Variants in COLEC10 observed in about 807,000 individuals in gnomAD.
COLEC10 encodes collectin subfamily member 10.
Under a neutral mutation model 28.4 loss-of-function variants are expected in COLEC10, and 22 were observed. The ratio of observed to expected loss-of-function variants is 0.78; its 90% CI spans 0.55 to 1.11. COLEC10 has a LOEUF of 1.11. COLEC10 is among the 50% of genes least tolerant of loss of function. The pLI is 0.00. For missense variants in COLEC10, 361 were observed against 344.1 expected (o/e 1.05, Z -0.39); for synonymous variants, 125 against 116.1 (o/e 1.08, Z -0.49).
chr8:119,070,573 C>T (rs557621042), intron 1 of COLEC10, among the ~76,000 whole-genome samples: 264 of 58,848 alleles, frequency 4.5e-3, no homozygotes, highest in African/African-American at 0.024. Flanking sequence ...TCTCTCCCCC[C>T]ACCCCTTCTC....
At chr8:119,003,639 G>A (rs1813739004) in intron 1 of COLEC10, among the ~76,000 whole-genome samples, 1 of 151,990 alleles carries the variant, frequency 6.6e-6, no homozygotes, top group Non-Finnish European at 1.5e-5. Flanking sequence ...AAGGATGCTT[G>A]GAAAGCAGAG....
the COLEC10 span, among the ~76,000 whole-genome samples, chr8:118,984,966 C>T: frequency 5.7e-4 from 86 of 152,160 alleles, no homozygotes; most frequent in Non-Finnish European, 1.0e-3. Context: ...CATTCACTAT[C>T]ACGAGAACAG....
chr8:119,028,623 C>G (rs952370008), intron 2 of COLEC10, among the ~76,000 whole-genome samples: 1 of 152,044 alleles, frequency 6.6e-6, no homozygotes, highest in Non-Finnish European at 1.5e-5. Flanking sequence ...GTCCCTCCCA[C>G]AACATATGGG....
At chr8:119,002,672 A>G (rs1813723352) in intron 1 of COLEC10, among the ~76,000 whole-genome samples, 1 of 152,148 alleles carries the variant, frequency 6.6e-6, no homozygotes, top group Non-Finnish European at 1.5e-5. Flanking sequence ...CCTTCTAGCC[A>G]CTACAAGTTC....
At chr8:118,967,705 T>C in the COLEC10 span, among the ~76,000 whole-genome samples, 1 of 152,148 alleles carries the variant, frequency 6.6e-6, no homozygotes, top group African/African-American at 2.4e-5. Flanking sequence ...TAAATAATTG[T>C]AAACAAAGAA....
chr8:118,969,136 A>G, the COLEC10 span, among the ~76,000 whole-genome samples: 1 of 151,956 alleles, frequency 6.6e-6, no homozygotes, highest in African/African-American at 2.4e-5. Flanking sequence ...ATGGAAGTAG[A>G]GTTTGGAGAT....
chr8:118,971,052 C>A, the COLEC10 span, among the ~76,000 whole-genome samples: 1 of 151,936 alleles, frequency 6.6e-6, no homozygotes, highest in Non-Finnish European at 1.5e-5. Context: ...TTAAGGTCAA[C>A]CCCTAGGTAT....
the COLEC10 span, among the ~76,000 whole-genome samples, chr8:118,989,341 A>G: frequency 2.0e-5 from 3 of 152,262 alleles, no homozygotes; most frequent in African/African-American, 7.2e-5. Context: ...AACAGATGAG[A>G]AAATCCAAAC....
chr8:119,083,199 A>T (rs1202678101), intron 1 of COLEC10, among the ~76,000 whole-genome samples: 2 of 152,198 alleles, frequency 1.3e-5, no homozygotes, highest in African/African-American at 4.8e-5. Flanking sequence ...GTGTTCTGGG[A>T]TGAGTCTTCA....
chr8:119,027,242 T>C (rs2130119801), intron 2 of COLEC10, among the ~76,000 whole-genome samples: 1 of 152,250 alleles, frequency 6.6e-6, no homozygotes, highest in Non-Finnish European at 1.5e-5. Flanking sequence ...TGGAGATAAA[T>C]TCAACAGATT....
the COLEC10 span, among the ~76,000 whole-genome samples, chr8:118,980,891 G>A: frequency 6.6e-6 from 1 of 151,756 alleles, no homozygotes; most frequent in Non-Finnish European, 1.5e-5. Flanking sequence ...GTTTTTGTTT[G>A]CAGGGGGGTG....
At position 119,013,786 on chromosome 8, in the gene COLEC10, C is replaced by T. The variant is rs529604343; in HGVS notation, n.235+4233C>T. Among the ~76,000 whole-genome samples the T allele has an allele frequency of 6.6e-5, 10 of 150,860 alleles. No individual in the cohort carries two copies. In the South Asian group the frequency reaches 1.7e-3, roughly 25 times the overall value. ...TGTTTGTCTGGAATTCATGTAGCTA[C>T]TCCTGCTTTATTTTGATTAGTATTA... is the stretch of plus-strand genomic sequence containing the variant. On this transcript the variant is annotated intron_variant and non_coding_transcript_variant, in intron 2 of 6. Transcript: ENST00000521788.
At chr8:119,090,128 A>G (rs923184758) in intron 2 of COLEC10, among the ~76,000 whole-genome samples, 1 of 152,170 alleles carries the variant, frequency 6.6e-6, no homozygotes, top group Non-Finnish European at 1.5e-5. Context: ...AAGGAGGAAG[A>G]TAAAAAGAAA....
At chr8:118,991,820 T>G (rs1264399445), upstream of COLEC10, among the ~76,000 whole-genome samples, 1 of 151,862 alleles carries the variant, frequency 6.6e-6, no homozygotes. Flanking sequence ...GGTACTGAGA[T>G]AAATTATATT....
At chr8:119,083,051 T>G (rs1325804549) in intron 1 of COLEC10, among the ~76,000 whole-genome samples, 1 of 152,172 alleles carries the variant, frequency 6.6e-6, no homozygotes, top group Non-Finnish European at 1.5e-5. Context: ...TAAAGAAACT[T>G]GTGTTTGCAA....
chr8:119,103,113 T>C (rs1030848166), intron 4 of COLEC10, among the ~76,000 whole-genome samples: 1 of 152,210 alleles, frequency 6.6e-6, no homozygotes, highest in Non-Finnish European at 1.5e-5. Context: ...AAGAGAATCA[T>C]TTGAATTTTA....
intron 5 of COLEC10, 46 bp downstream of exon 5, chr8:119,103,941 A>G: frequency 8.3e-7 from 1 of 1,202,198 alleles, no homozygotes; most frequent in African/African-American, 1.5e-5. Context: ...ATAGATCTCC[A>G]TCAACACTAC....
chr8:119,089,557 CTGGAT>C, intron 1 of COLEC10, 118 bp from the exon 2 acceptor site: 1 of 698,442 alleles, frequency 1.4e-6, no homozygotes, highest in Non-Finnish European at 2.5e-6. Flanking sequence ...ATACTCACAG[CTGGAT>C]TGTGAGGCAA....
At chr8:119,045,166 A>G (rs1014276664) in intron 2 of COLEC10, among the ~76,000 whole-genome samples, 1 of 152,250 alleles carries the variant, frequency 6.6e-6, no homozygotes, top group Non-Finnish European at 1.5e-5. Context: ...GTAAAGAATT[A>G]TCTCCTCCTG....
Sources: gnomAD v4.1 joint callset for allele counts (sites outside exome capture counted in the v4.1 genomes callset) on GRCh38, gnomAD v4.1.1 for gene constraint, MANE v1.5 for transcripts, NCBI Gene and HGNC (gene_info 2026-07-23, HGNC 2026-07-21) for gene names.